The following NALF1 variants were observed in gnomAD, a reference collection of about 807,000 sequenced individuals.
NALF1 encodes NALCN channel auxiliary factor 1.
NALF1 carries 3 observed loss-of-function variants against 48.4 expected under a neutral mutation model. The ratio of observed to expected loss-of-function variants is 0.06; its 90% CI spans 0.03 to 0.16. The LOEUF (loss-of-function observed/expected upper bound fraction) is 0.16. Ranked by LOEUF, NALF1 falls within the 10% of genes least tolerant of loss-of-function variation. The probability of loss-of-function intolerance (pLI) is 1.00; values close to 1 mark genes in which losing one functional copy is unlikely to be tolerated. For missense variants in NALF1, 526 were observed against 571.5 expected (o/e 0.92, Z 0.81); for synonymous variants, 262 against 245.7 (o/e 1.07, Z -0.62).
rs368464836 is a variant in NALF1 at position 107,272,509 on chromosome 13, C to T, written c.916-61754G>A. Among the ~76,000 whole-genome samples, 7 of 15,112 alleles carry T rather than the reference C, an allele frequency of 4.6e-4. 2 individuals carry two copies. The highest frequency in any genetic ancestry group is 1.0e-3 in the Admixed American group (1 of 980). The allele number at this position is 15,112 out of a possible 152,430, so 9.9% of individuals were successfully genotyped here. A position where few individuals can be genotyped will look rare whatever the true frequency, so the allele number is the denominator to read the frequency against. On this transcript the variant is annotated intron_variant, in intron 1 of 2. Coordinates refer to ENST00000375915, the MANE Select transcript of NALF1 (RefSeq NM_001080396.3). ...GATTACAGGCGTGAGCCACCGCGCC[C>T]GGCCTAGAATTTTTTAAAAAGGGAA...
chr13:107,259,543 CT>C (rs1880888753), intron 1 of NALF1, among the ~76,000 whole-genome samples: 1 of 152,150 alleles, frequency 6.6e-6, no homozygotes. Context: ...GCATGAGTTT[CT>C]TTTGTCTGAC....
chr13:107,710,158 A>G (rs1875521192), intron 1 of NALF1, among the ~76,000 whole-genome samples: 1 of 152,074 alleles, frequency 6.6e-6, no homozygotes, highest in Admixed American at 6.6e-5. Context: ...AAAGGAGAAA[A>G]GAAAAGAAAC....
In NALF1 at chr13:107,362,424, T is replaced by C. The variant is rs1038831946; in HGVS notation, c.916-151669A>G. Reference sequence around the variant, plus strand: ...CTGTAGAGTAGCATCTTCGCTTGCCTCCTCCTGACTTTGGAGGTATCAGGC... The same window carrying C: ...CTGTAGAGTAGCATCTTCGCTTGCCCCCTCCTGACTTTGGAGGTATCAGGC... On this transcript the variant is annotated intron_variant, in intron 1 of 2. Coordinates refer to ENST00000375915, the MANE Select transcript of NALF1 (RefSeq NM_001080396.3). This position sits in a 1 kb window ranked among gnomAD's most constrained non-coding sequence, Gnocchi z 4.6. 6.6e-6 allele frequency among the ~76,000 whole-genome samples: 1 copy of C among 152,142 alleles called. No individual in the cohort carries two copies. The highest frequency in any genetic ancestry group is 2.4e-5 in the African/African-American group (1 of 41,430).
intron 2 of NALF1, among the ~76,000 whole-genome samples, chr13:107,195,936 G>A (rs977789999): frequency 1.3e-5 from 2 of 152,138 alleles, no homozygotes; most frequent in East Asian, 1.9e-4. Flanking sequence ...TGAAGAAAAC[G>A]TGGTACATAT....
intron 1 of NALF1, among the ~76,000 whole-genome samples, chr13:107,414,715 T>C (rs976167381): frequency 6.6e-6 from 1 of 151,962 alleles, no homozygotes; most frequent in African/African-American, 2.4e-5. Context: ...ATGATCTAAG[T>C]TGTTATTTAT....
At chr13:107,706,836 T>C (rs1051474902) in intron 1 of NALF1, among the ~76,000 whole-genome samples, 6 of 152,156 alleles carry the variant, frequency 3.9e-5, no homozygotes, top group African/African-American at 1.2e-4. Context: ...TCTAACTTCA[T>C]TCATAGTTGA....
In NALF1 at chr13:107,166,728, C is replaced by A. The variant is rs1878667455; in HGVS notation, c.*3769G>T. 2.0e-5 allele frequency: 3 copies of A among 151,666 alleles called. 1 individual carries two copies. Among genetic ancestry groups the A allele is most frequent in the Admixed American group, 2.0e-4 (3 of 15,198 alleles). 9.4% of individuals were successfully genotyped at this position (151,666 alleles called of 1,614,324 possible). A position where few individuals can be genotyped will look rare whatever the true frequency, so the allele number is the denominator to read the frequency against. On this transcript the variant is annotated 3_prime_UTR_variant, in exon 3 of 3. Coordinates refer to ENST00000375915, the MANE Select transcript of NALF1 (RefSeq NM_001080396.3). ...TATGTACTTATTCATTCATATGAAA[C>A]CTCCTTTCCCCCTCATTCCCCGACT... is the stretch of plus-strand genomic sequence containing the variant.
chr13:107,811,026 G>A lies in NALF1; in HGVS notation c.915+54656C>T, dbSNP rs528896114. Among the ~76,000 whole-genome samples the A allele has an allele frequency of 2.0e-4, 30 of 151,782 alleles. No homozygotes were observed. The East Asian group carries it at 4.5e-3, about 23-fold the overall frequency. On this transcript the variant is annotated intron_variant, in intron 1 of 2. Transcript: ENST00000375915. ...ATTATGTATCTAATATATCAATAAC[G>A]CACAATTATATCCTGTGATGTACTG...
At chr13:107,323,509 T>A (rs72650539) in intron 1 of NALF1, among the ~76,000 whole-genome samples, 6,634 of 152,186 alleles carry the variant, frequency 0.044, 232 homozygotes, top group East Asian at 0.19. Context: ...TTTTTCTCTA[T>A]TTTTTTCTCA....
intron 1 of NALF1, among the ~76,000 whole-genome samples, chr13:107,216,627 T>A (rs944841141): frequency 5.3e-5 from 8 of 152,190 alleles, no homozygotes; most frequent in Non-Finnish European, 8.8e-5. Flanking sequence ...ACTTTTTGAA[T>A]CCTGTCATCA....
At chr13:107,226,595 G>A (rs1234893105) in intron 1 of NALF1, among the ~76,000 whole-genome samples, 2 of 152,202 alleles carry the variant, frequency 1.3e-5, no homozygotes, top group East Asian at 1.9e-4. Context: ...ACTTAGCATC[G>A]GGTTTCTGAC....
intron 1 of NALF1, among the ~76,000 whole-genome samples, chr13:107,846,581 G>C (rs1880178583): frequency 6.6e-6 from 1 of 152,128 alleles, no homozygotes; most frequent in African/African-American, 2.4e-5. Context: ...TAGGCATGTA[G>C]AATCTATGCT....
Position 107,622,471 on chromosome 13 carries a change from C to A in NALF1, c.915+243211G>T, listed in dbSNP as rs1027446602. On this transcript the variant is annotated intron_variant, in intron 1 of 2. Transcript: ENST00000375915. ...ACAAACAAACAAACAACAACAACAA[C>A]AAAAAAAAAAAAACAGAGAGAAAAG... 4.9e-3 allele frequency among the ~76,000 whole-genome samples: 723 copies of A among 146,422 alleles called. 3 individuals are homozygous for A. The highest frequency in any genetic ancestry group is 0.025 in the Middle Eastern group (7 of 280).
chr13:107,190,700 T>A (rs2138783894), intron 2 of NALF1, among the ~76,000 whole-genome samples: 1 of 152,270 alleles, frequency 6.6e-6, no homozygotes, highest in South Asian at 2.1e-4. Flanking sequence ...AATATTAAAA[T>A]TTGCAAAAGG....
intron 1 of NALF1, among the ~76,000 whole-genome samples, chr13:107,252,122 C>A (rs77696394): frequency 6.6e-6 from 1 of 152,050 alleles, no homozygotes; most frequent in African/African-American, 2.4e-5. Flanking sequence ...GGAGGCCTGG[C>A]GAGGTAGTGG....
intron 1 of NALF1, among the ~76,000 whole-genome samples, chr13:107,703,089 A>G (rs774948433): frequency 4.7e-4 from 72 of 152,220 alleles, no homozygotes; most frequent in South Asian, 3.3e-3. Context: ...GTCAAATGGT[A>G]TTTCTGCCTC....
chr13:107,245,831 C>T (rs1167986359), intron 1 of NALF1, among the ~76,000 whole-genome samples: 1 of 152,022 alleles, frequency 6.6e-6, no homozygotes, highest in African/African-American at 2.4e-5. Context: ...TAGATGACTC[C>T]CAAATTCCTA....
At position 107,170,846 on chromosome 13, in the gene NALF1, G is replaced by A. The variant is rs1878788024; in HGVS notation, c.1088-60C>T. On this transcript the variant is annotated intron_variant, in intron 2 of 2. Coordinates refer to ENST00000375915, the MANE Select transcript of NALF1 (RefSeq NM_001080396.3). ...GGAAATACATTTGCGACATAGTAGA[G>A]TGAAGCTGTTGCTTTAACATTCTAA... is the stretch of plus-strand genomic sequence containing the variant. 4.0e-6 allele frequency: 6 copies of A among 1,494,400 alleles called. No homozygotes were observed. The South Asian group carries it at 7.1e-5, about 18-fold the overall frequency. 92.6% of individuals were successfully genotyped at this position (1,494,400 alleles called of 1,614,324 possible).
chr13:107,246,056 A>T (rs899504627), intron 1 of NALF1, among the ~76,000 whole-genome samples: 1 of 151,834 alleles, frequency 6.6e-6, no homozygotes, highest in Non-Finnish European at 1.5e-5. Flanking sequence ...CTCTCCGCCC[A>T]CCCTCCTCTA....
Sources: gnomAD v4.1 joint callset for allele counts (sites outside exome capture counted in the v4.1 genomes callset) on GRCh38, gnomAD v4.1.1 for gene constraint, Gnocchi (gnomAD v3.1) non-coding constraint, MANE v1.5 for transcripts, NCBI Gene and HGNC (gene_info 2026-07-23, HGNC 2026-07-21) for gene names.